NRG3: variants seen among roughly 807,000 people sequenced by gnomAD.
The protein encoded by NRG3 is pro-neuregulin-3, membrane-bound isoform.
In NRG3, 31 loss-of-function variants were observed where a neutral mutation model predicts 66.9. That is an observed-to-expected ratio of 0.46 (90% CI 0.35 to 0.63). NRG3 has a LOEUF of 0.63. Ranked by LOEUF, NRG3 falls within the 20% of genes least tolerant of loss-of-function variation. The pLI is 0.00. For synonymous variants in NRG3, 393 were observed against 359.4 expected (o/e 1.09, Z -1.06); for missense variants, 910 against 878.9 (o/e 1.04, Z -0.45).
intron 6 of NRG3, among the ~76,000 whole-genome samples, chr10:82,963,340 T>G (rs1366747282): frequency 6.6e-6 from 1 of 152,258 alleles, no homozygotes; most frequent in South Asian, 2.1e-4. Flanking sequence ...CAGTTACAAG[T>G]GGGTTTTTAT....
At chr10:82,818,780 G>GC (rs1345629540) in intron 3 of NRG3, among the ~76,000 whole-genome samples, 2 of 152,074 alleles carry the variant, frequency 1.3e-5, no homozygotes, top group Non-Finnish European at 1.5e-5. Context: ...GTCTCCCAAC[G>GC]CATCACACCT....
At chr10:82,890,541 A>C (rs2136118627) in intron 4 of NRG3, among the ~76,000 whole-genome samples, 1 of 152,280 alleles carries the variant, frequency 6.6e-6, no homozygotes, top group Non-Finnish European at 1.5e-5. Context: ...ACTGTTCATG[A>C]GCCTTTGGTT....
rs775337015 is a variant in NRG3, at chr10:82,187,944, T to C, written c.824-170795T>C. On this transcript the variant is annotated intron_variant, in intron 1 of 8. Transcript: ENST00000372141. ...ATCCCTATCAAAATACCAATGACAG[T>C]CTTCACAGAAATAGAAAAAAAAAAA... 8.8e-5 allele frequency among the ~76,000 whole-genome samples: 11 copies of C among 124,454 alleles called. No individual in the cohort carries two copies. The East Asian group carries it at 1.0e-3, about 11-fold the overall frequency. The allele number at this position is 124,454 out of a possible 152,430, so 81.6% of individuals were successfully genotyped here. A position where few individuals can be genotyped will look rare whatever the true frequency, so the allele number is the denominator to read the frequency against.
chr10:82,874,242 A>G (rs1219516823), intron 4 of NRG3, among the ~76,000 whole-genome samples: 1 of 152,042 alleles, frequency 6.6e-6, no homozygotes, highest in Non-Finnish European at 1.5e-5. Flanking sequence ...TGTTTAGATG[A>G]TAGGAAGTGG....
intron 2 of NRG3, among the ~76,000 whole-genome samples, chr10:82,736,534 C>T (rs1243013344): frequency 1.3e-5 from 2 of 152,224 alleles, no homozygotes; most frequent in Admixed American, 6.5e-5. Flanking sequence ...GCTGCTGCAA[C>T]ATCATCACAC....
At chr10:82,502,562 A>T (rs1844295662) in intron 2 of NRG3, among the ~76,000 whole-genome samples, 1 of 152,312 alleles carries the variant, frequency 6.6e-6, no homozygotes, top group East Asian at 1.9e-4. Flanking sequence ...AGAAAAGGTG[A>T]TTATATTTCT....
At position 82,124,727 on chromosome 10, in the gene NRG3, T is replaced by TA. The variant is rs35137297; in HGVS notation, c.824-233996dup. 6.0e-3 allele frequency among the ~76,000 whole-genome samples: 716 copies of TA among 119,276 alleles called. 9 individuals are homozygous for TA. Among genetic ancestry groups the TA allele is most frequent in the Admixed American group, 7.4e-3 (87 of 11,680 alleles). 78.2% of individuals were successfully genotyped at this position (119,276 alleles called of 152,430 possible). ...TGCACATGTATCCCAGAACTTAAAG[T>TA]AAAAAAAAAAAAAAAAGTTTAACAA... On this transcript the variant is annotated intron_variant, in intron 1 of 8. Coordinates refer to ENST00000372141, the MANE Select transcript of NRG3 (RefSeq NM_001010848.4).
intron 2 of NRG3, among the ~76,000 whole-genome samples, chr10:82,457,374 T>C (rs967228138): frequency 3.9e-5 from 6 of 152,176 alleles, no homozygotes; most frequent in African/African-American, 2.4e-5. Context: ...ATCCCTCACA[T>C]GTGCAGTTCA....
At chr10:81,877,628 G>A (rs1841791918) in intron 1 of NRG3, 3 of 1,137,008 alleles carry the variant, frequency 2.6e-6, no homozygotes, top group Non-Finnish European at 3.3e-6. Flanking sequence ...GGGAAAGGGG[G>A]AAAAAAAAGC....
At chr10:82,526,515 A>C (rs1025994970) in intron 2 of NRG3, among the ~76,000 whole-genome samples, 1 of 151,956 alleles carries the variant, frequency 6.6e-6, no homozygotes, top group African/African-American at 2.4e-5. Context: ...CTAAAGCATA[A>C]AGATAATGAA....
chr10:82,658,274 G>A (rs140319810), intron 2 of NRG3, among the ~76,000 whole-genome samples: 1 of 152,172 alleles, frequency 6.6e-6, no homozygotes, highest in Non-Finnish European at 1.5e-5. Context: ...TTGTAATTCA[G>A]TATATGTACT....
chr10:81,914,872 A>C, intron 1 of NRG3, among the ~76,000 whole-genome samples: 1 of 152,078 alleles, frequency 6.6e-6, no homozygotes, highest in East Asian at 1.9e-4. Flanking sequence ...TCTGTAAAAC[A>C]GAGAAAACAG....
At chr10:82,225,839 G>T (rs540290818) in intron 1 of NRG3, among the ~76,000 whole-genome samples, 1 of 152,198 alleles carries the variant, frequency 6.6e-6, no homozygotes, top group South Asian at 2.1e-4. Flanking sequence ...TTTATTTAGT[G>T]TTATTTGTGT....
chr10:82,932,664 G>A (rs1592004897), intron 4 of NRG3, among the ~76,000 whole-genome samples: 1 of 152,152 alleles, frequency 6.6e-6, no homozygotes, highest in Non-Finnish European at 1.5e-5. Context: ...AGCTCACAGT[G>A]GAGCGTCTGG....
chr10:82,286,928 G>GAATA (rs1394504486), intron 1 of NRG3, among the ~76,000 whole-genome samples: 1 of 152,192 alleles, frequency 6.6e-6, no homozygotes, highest in Non-Finnish European at 1.5e-5. Context: ...CTTTGTTGAA[G>GAATA]AATACTTTGA....
intron 2 of NRG3, among the ~76,000 whole-genome samples, chr10:82,581,533 T>C (rs1400179250): frequency 1.3e-5 from 2 of 151,976 alleles, no homozygotes; most frequent in Non-Finnish European, 2.9e-5. Context: ...ATTATAGAGA[T>C]AGAAAGTAGA....
At chr10:82,802,456 C>G (rs1168241980) in intron 3 of NRG3, among the ~76,000 whole-genome samples, 1 of 152,058 alleles carries the variant, frequency 6.6e-6, no homozygotes, top group Non-Finnish European at 1.5e-5. Context: ...GTTTAATGGA[C>G]TAAAACTGAG....
rs1325598655 is a variant in NRG3 at position 82,060,868 on chromosome 10, G to A, written c.823+184705G>A. Among the ~76,000 whole-genome samples, 8 of 152,252 alleles carry A rather than the reference G, an allele frequency of 5.3e-5. 1 individual carries two copies. The highest frequency in any genetic ancestry group is 3.3e-4 in the Admixed American group (5 of 15,296). ...TGGACTGGGCTGGTTGGTGCGGTTC[G>A]CTCTTTCTGACTCTGGTTGTCTCAT... On this transcript the variant is annotated intron_variant, in intron 1 of 8. Coordinates refer to ENST00000372141, the MANE Select transcript of NRG3 (RefSeq NM_001010848.4).
At chr10:82,722,097 C>A (rs921776417) in intron 2 of NRG3, among the ~76,000 whole-genome samples, 2 of 152,142 alleles carry the variant, frequency 1.3e-5, no homozygotes, top group African/African-American at 2.4e-5. Context: ...AGGAATAAGT[C>A]TTTGCTTTTT....
Sources: allele counts gnomAD v4.1 joint callset (sites outside exome capture counted in the v4.1 genomes callset), GRCh38; gene constraint gnomAD v4.1.1; transcripts MANE v1.5; gene names NCBI Gene and HGNC (gene_info 2026-07-23, HGNC 2026-07-21).